The following UNC80 variants were observed in gnomAD, a reference collection of about 807,000 sequenced individuals.
The protein encoded by UNC80 is protein unc-80 homolog.
UNC80 carries 164 observed loss-of-function variants against 384.6 expected under a neutral mutation model. The observed-to-expected ratio is 0.43, with a 90% CI of 0.38 to 0.49. UNC80 has a LOEUF of 0.49. UNC80 is among the 20% of genes least tolerant of loss of function. The probability of loss-of-function intolerance (pLI) is 0.00; values close to 1 mark genes in which losing one functional copy is unlikely to be tolerated. For missense variants in UNC80, 3,330 were observed against 4,143.0 expected, an observed-to-expected ratio of 0.80 and a Z score of 5.39; for synonymous variants, 1,486 against 1,527.8, an observed-to-expected ratio of 0.97 and a Z score of 0.64.
chr2:209,936,743 A>C, intron 40 of UNC80, 101 bp from the exon 41 acceptor site: 2 of 720,696 alleles, frequency 2.8e-6, no homozygotes, highest in South Asian at 1.7e-5. Flanking sequence ...TTCTCGTAAG[A>C]GGTTACCTTG....
intron 5 of UNC80, among the ~76,000 whole-genome samples, chr2:209,787,018 T>TATATATATATAC (rs1000814946): frequency 3.1e-5 from 4 of 128,600 alleles, no homozygotes; most frequent in African/African-American, 1.2e-4. Context: ...TATATATATA[T>TATATATATATAC]ACCTATATAT....
chr2:209,906,672 G>A (rs1470776698), intron 29 of UNC80, among the ~76,000 whole-genome samples: 1 of 151,930 alleles, frequency 6.6e-6, no homozygotes, highest in African/African-American at 2.4e-5. Flanking sequence ...GAATGAAGGT[G>A]GAGAATAGAC....
intron 47 of UNC80, among the ~76,000 whole-genome samples, chr2:209,949,070 A>G (rs900462646): frequency 2.0e-5 from 3 of 152,114 alleles, no homozygotes; most frequent in Non-Finnish European, 4.4e-5. Context: ...TATAATTATC[A>G]TTTTTCAGTA....
intron 7 of UNC80, among the ~76,000 whole-genome samples, chr2:209,799,601 A>G: frequency 6.6e-6 from 1 of 152,136 alleles, no homozygotes; most frequent in Admixed American, 6.5e-5. Flanking sequence ...ATAACTTCCA[A>G]TACTGTGTTG....
chr2:209,985,696 A>G (rs769994270), intron 61 of UNC80, among the ~76,000 whole-genome samples: 1 of 152,220 alleles, frequency 6.6e-6, no homozygotes, highest in Non-Finnish European at 1.5e-5. Flanking sequence ...CCTCTCAACT[A>G]ATCCTCATTA....
rs1159194722 is a variant in UNC80, at chr2:209,872,653, T to C, written c.3628-105T>C. 12 of 1,081,270 alleles carry C rather than the reference T, an allele frequency of 1.1e-5. No homozygotes were observed. Among genetic ancestry groups the C allele is most frequent in the African/African-American group, 4.7e-5 (3 of 63,578 alleles). 67.0% of individuals were successfully genotyped at this position (1,081,270 alleles called of 1,614,324 possible). ...AATATGGCCAATATAAATCAAAACA[T>C]GAAGAGGAAAATAAACTAAAAATAC... On this transcript the variant is annotated intron_variant, in intron 22 of 64. Coordinates refer to ENST00000673920, the MANE Select transcript of UNC80 (RefSeq NM_001371986.1). This position sits in a 1 kb window ranked among gnomAD's most constrained non-coding sequence, Gnocchi z 4.1.
intron 62 of UNC80, among the ~76,000 whole-genome samples, chr2:209,992,800 A>G (rs1351712714): frequency 3.3e-5 from 5 of 152,226 alleles, no homozygotes; most frequent in Admixed American, 3.3e-4. Context: ...TTTAAAGCAA[A>G]CTGAAGTAAA....
chr2:209,822,091 G>T (rs992843704), intron 13 of UNC80, among the ~76,000 whole-genome samples: 1 of 151,904 alleles, frequency 6.6e-6, no homozygotes, highest in African/African-American at 2.4e-5. Context: ...TCATTTTATT[G>T]TTTACTCTTT....
At chr2:209,965,761 C>T (rs1362895752) in intron 51 of UNC80, among the ~76,000 whole-genome samples, 1 of 151,848 alleles carries the variant, frequency 6.6e-6, no homozygotes, top group Non-Finnish European at 1.5e-5. Context: ...TCCTGGGAAA[C>T]TGTATTTTTT....
At chr2:209,920,830 CTT>C (rs869121048) in intron 33 of UNC80, among the ~76,000 whole-genome samples, 79 of 142,566 alleles carry the variant, frequency 5.5e-4, no homozygotes, top group Non-Finnish European at 3.6e-4. Context: ...AAATGTTCTT[CTT>C]TTTTTTTTTT....
chr2:209,785,952 A>AG, intron 4 of UNC80, 114 bp from the exon 5 acceptor site: 1 of 1,237,444 alleles, frequency 8.1e-7, no homozygotes, highest in Non-Finnish European at 1.1e-6. Flanking sequence ...GGTTTGGCAG[A>AG]TAAATTCACT....
intron 20 of UNC80, among the ~76,000 whole-genome samples, chr2:209,841,953 C>T (rs940598470): frequency 1.3e-5 from 2 of 152,154 alleles, no homozygotes; most frequent in African/African-American, 4.8e-5. Flanking sequence ...CTGATTCTTT[C>T]ACAGAGATTT....
chr2:209,804,508 G>GT (rs886167566), intron 7 of UNC80, among the ~76,000 whole-genome samples: 5 of 152,018 alleles, frequency 3.3e-5, no homozygotes, highest in Non-Finnish European at 5.9e-5. Flanking sequence ...CTCTGGAAGT[G>GT]TTTTTGCTGA....
At chr2:209,979,854 C>G (rs2093115871) in intron 59 of UNC80, among the ~76,000 whole-genome samples, 1 of 152,148 alleles carries the variant, frequency 6.6e-6, no homozygotes, top group Non-Finnish European at 1.5e-5. Context: ...ACAAAAAGCT[C>G]TACTCTGAAC....
At position 209,825,994 on chromosome 2, in the gene UNC80, G is replaced by A; in HGVS notation, c.2419G>A (p.Gly807Ser). Residue 807 changes from glycine (G) to serine (S), a missense_variant, in exon 14 of 65, where the codon GGT becomes AGT. Physicochemically the swap from Gly to Ser is moderately conservative, Grantham distance 56. This residue lies in a region of UNC80 where 937 missense variants were observed against 1,026.8 expected (regional missense o/e 0.91). Coordinates refer to ENST00000673920, the MANE Select transcript of UNC80 (RefSeq NM_001371986.1). ...VKSLGCAYGCGEGHRGLSGDR... is the reference protein window; with the variant it reads ...VKSLGCAYGCSEGHRGLSGDR... The stretch of plus-strand genomic sequence containing the variant: ...GTCTTTGGGATGTGCCTATGGTTGT[G>A]GTGAAGGACACCGAGGGCTCTCTGG... 6.4e-7 allele frequency: 1 copy of A among 1,550,790 alleles called. No individual in the cohort carries two copies. Among genetic ancestry groups the A allele is most frequent in the East Asian group, 2.4e-5 (1 of 40,874 alleles).
At chr2:209,914,806 T>C (rs1235988439) in intron 31 of UNC80, among the ~76,000 whole-genome samples, 1 of 152,102 alleles carries the variant, frequency 6.6e-6, no homozygotes, top group Admixed American at 6.5e-5. Flanking sequence ...AGAAGACTGT[T>C]TTTAAATATC....
At chr2:209,867,415 G>A (rs1010443463) in intron 22 of UNC80, among the ~76,000 whole-genome samples, 1 of 151,378 alleles carries the variant, frequency 6.6e-6, no homozygotes, top group Non-Finnish European at 1.5e-5. Context: ...ATTTTTGGGG[G>A]CTGGGGGGCA....
At chr2:209,994,037 C>A in intron 63 of UNC80, 28 bp from the exon 64 acceptor site, 1 of 1,528,744 alleles carries the variant, frequency 6.5e-7, no homozygotes, top group Non-Finnish European at 8.8e-7. Flanking sequence ...AACTCCTCCC[C>A]AATTTACTGT....
chr2:209,854,447 A>G (rs2082744244), intron 22 of UNC80, among the ~76,000 whole-genome samples: 1 of 152,158 alleles, frequency 6.6e-6, no homozygotes, highest in Admixed American at 6.6e-5. Flanking sequence ...TGGTGCTGCA[A>G]TGGACATGAG....
Sources: allele counts gnomAD v4.1 joint callset (sites outside exome capture counted in the v4.1 genomes callset), GRCh38; gene constraint gnomAD v4.1.1; regional missense constraint gnomAD v4.1.1; non-coding constraint Gnocchi (gnomAD v3.1); transcripts MANE v1.5; gene names NCBI Gene and HGNC (gene_info 2026-07-23, HGNC 2026-07-21).